Variants in CEP128 observed in about 807,000 individuals in gnomAD.
The protein encoded by CEP128 is centrosomal protein 128, also known as centrosomal protein 128kDa.
CEP128 carries 132 observed loss-of-function variants against 156.7 expected under a neutral mutation model. The ratio of observed to expected loss-of-function variants is 0.84; its 90% CI spans 0.73 to 0.97. CEP128 has a LOEUF of 0.97. Ranked by LOEUF, CEP128 falls within the 50% of genes least tolerant of loss-of-function variation. The pLI is 0.00. For missense variants in CEP128, 1,252 were observed against 1,281.9 expected (o/e 0.98, Z 0.36); for synonymous variants, 469 against 448.9 (o/e 1.04, Z -0.57).
At position 80,913,717 on chromosome 14, in the gene CEP128, G is replaced by A. The variant is rs141780200; in HGVS notation, c.234+605C>T. On this transcript the variant is annotated intron_variant, in intron 4 of 24. Transcript: ENST00000555265. ...TGGTATAATGGACATTGGAGACTCA[G>A]AAGGGACGCAAAGGTATACAGAGTG... Among the ~76,000 whole-genome samples, 208 of 152,264 alleles carry A rather than the reference G, an allele frequency of 1.4e-3. 2 individuals carry two copies. Among genetic ancestry groups the A allele is most frequent in the African/African-American group, 4.5e-3 (185 of 41,534 alleles).
At chr14:80,641,936 A>G (rs1488758276) in intron 19 of CEP128, among the ~76,000 whole-genome samples, 1 of 151,974 alleles carries the variant, frequency 6.6e-6, no homozygotes, top group Non-Finnish European at 1.5e-5. Flanking sequence ...AAAAAATATA[A>G]AAAATTAGCT....
intron 19 of CEP128, among the ~76,000 whole-genome samples, chr14:80,584,078 T>C (rs1348693106): frequency 6.6e-6 from 1 of 151,498 alleles, no homozygotes; most frequent in Non-Finnish European, 1.5e-5. Context: ...AAAAATAAAA[T>C]ACACACTTGT....
intron 2 of CEP128, among the ~76,000 whole-genome samples, chr14:80,947,098 A>G (rs920290944): frequency 2.0e-5 from 3 of 152,154 alleles, no homozygotes; most frequent in Non-Finnish European, 4.4e-5. Context: ...CAGCCAATAG[A>G]ACTATGAGTC....
intron 19 of CEP128, among the ~76,000 whole-genome samples, chr14:80,605,435 A>G (rs920454109): frequency 2.0e-5 from 3 of 152,058 alleles, no homozygotes; most frequent in Non-Finnish European, 4.4e-5. Context: ...TTCACCTCGA[A>G]TATCTATCTG....
chr14:80,657,267 AT>A lies in CEP128; in HGVS notation c.2807-76845del, dbSNP rs200848701. ...GCCAGACTCTATCTCAAAAAAAAAA[AT>A]TTAAAAAAAATGGTGGCTTGTCATT... On this transcript the variant is annotated intron_variant, in intron 19 of 24. Transcript: ENST00000555265. Among the ~76,000 whole-genome samples the A allele has an allele frequency of 1.9e-3, 292 of 151,492 alleles. 3 individuals are homozygous for A. Among genetic ancestry groups the A allele is most frequent in the African/African-American group, 6.8e-3 (280 of 41,252 alleles).
At chr14:80,484,700 A>G (rs1887122514) in intron 14 of CEP128, among the ~76,000 whole-genome samples, 1 of 152,228 alleles carries the variant, frequency 6.6e-6, no homozygotes, top group Non-Finnish European at 1.5e-5. Flanking sequence ...TGCTTTCAAC[A>G]CTAGGGTTAC....
intron 9 of CEP128, among the ~76,000 whole-genome samples, chr14:80,847,257 C>A (rs1886654210): frequency 6.6e-6 from 1 of 152,118 alleles, no homozygotes; most frequent in Non-Finnish European, 1.5e-5. Context: ...GTATCTCAGA[C>A]CTGCATGTTT....
chr14:80,610,264 A>G (rs956649828), intron 19 of CEP128, among the ~76,000 whole-genome samples: 1 of 152,118 alleles, frequency 6.6e-6, no homozygotes, highest in African/African-American at 2.4e-5. Flanking sequence ...TAAGCTCTGT[A>G]TATGTTTGAG....
At chr14:80,818,312 C>T (rs1022132247) in intron 13 of CEP128, among the ~76,000 whole-genome samples, 2 of 152,168 alleles carry the variant, frequency 1.3e-5, no homozygotes, top group Non-Finnish European at 2.9e-5. Flanking sequence ...AGCCACCGTG[C>T]CCAGTCTACT....
chr14:80,489,763 G>A (rs544129045), downstream of CEP128, among the ~76,000 whole-genome samples: 4 of 152,124 alleles, frequency 2.6e-5, no homozygotes, highest in African/African-American at 4.8e-5. Flanking sequence ...CAATCAGAGC[G>A]GGGTGTGACA....
chr14:80,532,709 A>T (rs1295340889), intron 21 of CEP128, among the ~76,000 whole-genome samples: 1 of 152,226 alleles, frequency 6.6e-6, no homozygotes, highest in African/African-American at 2.4e-5. Context: ...TCCCCTTGGC[A>T]GATCCTTGAG....
At chr14:80,532,808 A>T (rs1021623425) in intron 21 of CEP128, among the ~76,000 whole-genome samples, 6 of 152,056 alleles carry the variant, frequency 3.9e-5, no homozygotes, top group African/African-American at 1.5e-4. Context: ...GACACGTGTA[A>T]ATCAGTTTTT....
intron 14 of CEP128, among the ~76,000 whole-genome samples, chr14:80,481,585 T>C (rs992925100): frequency 2.6e-5 from 4 of 152,238 alleles, no homozygotes; most frequent in African/African-American, 7.2e-5. Flanking sequence ...TGTTATTGTA[T>C]ACTTCAACAG....
At chr14:80,482,706 A>G (rs1327351628) in intron 14 of CEP128, among the ~76,000 whole-genome samples, 1 of 152,210 alleles carries the variant, frequency 6.6e-6, no homozygotes, top group East Asian at 1.9e-4. Flanking sequence ...AAACTTTATG[A>G]CCTAAACTTC....
At chr14:80,718,076 T>C (rs926866983) in intron 19 of CEP128, among the ~76,000 whole-genome samples, 1 of 152,188 alleles carries the variant, frequency 6.6e-6, no homozygotes, top group African/African-American at 2.4e-5. Flanking sequence ...AGTTTTTCCA[T>C]GTTGCCAAGG....
intron 2 of CEP128, among the ~76,000 whole-genome samples, chr14:80,930,832 T>C (rs1885418819): frequency 6.6e-6 from 1 of 152,242 alleles, no homozygotes; most frequent in Non-Finnish European, 1.5e-5. Flanking sequence ...CTAACCACAT[T>C]GCTAAAGCTA....
At chr14:80,626,454 G>C (rs1394064234) in intron 19 of CEP128, among the ~76,000 whole-genome samples, 1 of 127,636 alleles carries the variant, frequency 7.8e-6, no homozygotes, top group Non-Finnish European at 1.6e-5. Flanking sequence ...CTGGGCGACA[G>C]AGCGAGACTC....
intron 19 of CEP128, among the ~76,000 whole-genome samples, chr14:80,703,988 T>C (rs888400029): frequency 2.6e-5 from 4 of 152,116 alleles, no homozygotes; most frequent in Non-Finnish European, 1.5e-5. Context: ...ATCTGGGCAA[T>C]AGCATCTTAA....
chr14:80,559,036 G>A (rs984703854), intron 21 of CEP128, among the ~76,000 whole-genome samples: 1 of 152,132 alleles, frequency 6.6e-6, no homozygotes, highest in African/African-American at 2.4e-5. Flanking sequence ...AGTACATCTT[G>A]ACATCAGAAA....
Sources: gnomAD v4.1 joint callset for allele counts (sites outside exome capture counted in the v4.1 genomes callset) on GRCh38, gnomAD v4.1.1 for gene constraint, MANE v1.5 for transcripts, NCBI Gene and HGNC (gene_info 2026-07-23, HGNC 2026-07-21) for gene names.